The following RBFOX3 variants were observed in gnomAD, a reference collection of about 807,000 sequenced individuals.
RBFOX3 encodes the protein RNA binding protein fox-1 homolog 3.
A neutral mutation model predicts 48.7 loss-of-function variants in RBFOX3; 17 were observed. That is an observed-to-expected ratio of 0.35 (90% confidence interval 0.24 to 0.52). The LOEUF (loss-of-function observed/expected upper bound fraction) is 0.52. RBFOX3 is among the 20% of genes least tolerant of loss of function. The pLI is 0.94. For synonymous variants in RBFOX3, 212 were observed against 209.5 expected (o/e 1.01, Z -0.10); for missense variants, 382 against 497.5 (o/e 0.77, Z 2.21).
chr17:79,159,517 C>G (rs1307289165), intron 4 of RBFOX3, among the ~76,000 whole-genome samples: 2 of 152,184 alleles, frequency 1.3e-5, no homozygotes, highest in Non-Finnish European at 2.9e-5. Context: ...ACTCCTGGAA[C>G]ACCCCTGCAT....
chr17:79,135,338 A>G (rs1187290895), intron 4 of RBFOX3, among the ~76,000 whole-genome samples: 1 of 152,176 alleles, frequency 6.6e-6, no homozygotes, highest in Admixed American at 6.5e-5. Context: ...GGCCACCTTA[A>G]GTGCTGTCCT....
At position 79,245,918 on chromosome 17, in the gene RBFOX3, G is replaced by A. The variant is rs114633046; in HGVS notation, c.-73-10113C>T. Among the ~76,000 whole-genome samples, 409 of 151,958 alleles carry A rather than the reference G, an allele frequency of 2.7e-3. 2 individuals are homozygous for A. The highest frequency in any genetic ancestry group is 9.0e-3 in the African/African-American group (371 of 41,406). On this transcript the variant is annotated intron_variant, in intron 3 of 14. Transcript: ENST00000693108. ...TGGGATTCCAGACATGAGCCACCAC[G>A]CCCAGCAGAACATTTTGGATTTTAA...
the RBFOX3 span, among the ~76,000 whole-genome samples, chr17:79,648,778 G>T: frequency 6.6e-6 from 1 of 152,132 alleles, no homozygotes; most frequent in Non-Finnish European, 1.5e-5. Flanking sequence ...TCCCTTGCAG[G>T]ATGCTGGATC....
chr17:79,161,224 G>A (rs1322232253), intron 4 of RBFOX3, among the ~76,000 whole-genome samples: 3 of 152,192 alleles, frequency 2.0e-5, no homozygotes, highest in African/African-American at 7.2e-5. Context: ...AAGCCTTGAA[G>A]GATGCACAAG....
chr17:79,533,885 A>G (rs1166296690), intron 1 of RBFOX3, among the ~76,000 whole-genome samples: 1 of 152,256 alleles, frequency 6.6e-6, no homozygotes, highest in Non-Finnish European at 1.5e-5. Context: ...TCCTGTTAAC[A>G]TTTTGAGCAT....
rs1286400102 is a variant in RBFOX3 at position 79,356,365 on chromosome 17, T to G, written c.-174-48541A>C. Among the ~76,000 whole-genome samples the G allele has an allele frequency of 3.1e-3, 334 of 108,284 alleles. 20 individuals are homozygous for G. Among genetic ancestry groups the G allele is most frequent in the African/African-American group, 0.012 (319 of 27,080 alleles). The allele number at this position is 108,284 out of a possible 152,430, so 71.0% of individuals were successfully genotyped here. ...ACAGGGAAGTTTTTTTTTTTTTTTT[T>G]TTTTTTTTTTTTTTTTTTTTTGAGG... On this transcript the variant is annotated intron_variant, in intron 2 of 14. Transcript: ENST00000693108.
At chr17:79,357,954 AT>A (rs1555685792) in intron 2 of RBFOX3, among the ~76,000 whole-genome samples, 3 of 146,184 alleles carry the variant, frequency 2.1e-5, no homozygotes, top group South Asian at 4.4e-4. Context: ...TATTATTATT[AT>A]TATATATTAT....
In RBFOX3 at chr17:79,482,700, G is replaced by T. The variant is rs1487689143; in HGVS notation, c.-319-102C>A. On this transcript the variant is annotated intron_variant, in intron 1 of 14. Transcript: ENST00000693108. This position sits in a 1 kb window ranked among gnomAD's most constrained non-coding sequence, Gnocchi z 4.1. ...GTATTAATAAACCAGGGAGGGGGCA[G>T]CTTCAAAGCCAACTGTTTGCCACCA... 1 of 152,306 alleles carries T rather than the reference G, an allele frequency of 6.6e-6. No individual in the cohort carries two copies. The highest frequency in any genetic ancestry group is 1.9e-4 in the East Asian group (1 of 5,196). 9.4% of individuals were successfully genotyped at this position (152,306 alleles called of 1,614,324 possible).
intron 1 of RBFOX3, among the ~76,000 whole-genome samples, chr17:79,498,868 TCATCCATCCATCCATC>T (rs56766707): frequency 2.2e-5 from 3 of 135,650 alleles, no homozygotes; most frequent in South Asian, 2.7e-4. Flanking sequence ...ACCCATTCGC[TCATCCATCCATCCATC>T]CATCCATCCA....
At chr17:79,386,101 C>G (rs1001069380) in intron 2 of RBFOX3, among the ~76,000 whole-genome samples, 1 of 145,364 alleles carries the variant, frequency 6.9e-6, no homozygotes, top group Admixed American at 6.9e-5. Context: ...CTACACCAGA[C>G]GGGGGCTCCA....
At chr17:79,140,337 T>C (rs1354252217) in intron 4 of RBFOX3, among the ~76,000 whole-genome samples, 1 of 152,234 alleles carries the variant, frequency 6.6e-6, no homozygotes, top group East Asian at 1.9e-4. Flanking sequence ...CCCATTTCTG[T>C]ATCTCCAGCC....
chr17:79,542,039 CT>C (rs34678698), intron 1 of RBFOX3, among the ~76,000 whole-genome samples: 264 of 145,548 alleles, frequency 1.8e-3, no homozygotes, highest in Middle Eastern at 3.5e-3. Context: ...GAGCGTCGAC[CT>C]TTTTTTTTTT....
intron 2 of RBFOX3, among the ~76,000 whole-genome samples, chr17:79,419,142 C>G (rs1399680887): frequency 1.3e-5 from 2 of 152,192 alleles, no homozygotes; most frequent in East Asian, 3.9e-4. Flanking sequence ...CTCCTCACCT[C>G]TGTGGGCTGC....
At chr17:79,269,046 G>A (rs973920293) in intron 3 of RBFOX3, among the ~76,000 whole-genome samples, 1 of 152,250 alleles carries the variant, frequency 6.6e-6, no homozygotes, top group African/African-American at 2.4e-5. Context: ...CTAAGATCAG[G>A]TCAGACTGGA....
Position 79,549,345 on chromosome 17 carries a change from G to A in RBFOX3, c.-320+61481C>T, listed in dbSNP as rs570162723. 1.3e-4 allele frequency among the ~76,000 whole-genome samples: 20 copies of A among 152,342 alleles called. No homozygotes were observed. The South Asian group carries it at 2.5e-3, about 19-fold the overall frequency. On this transcript the variant is annotated intron_variant, in intron 1 of 14. Coordinates refer to ENST00000693108, the MANE Select transcript of RBFOX3 (RefSeq NM_001350451.2). ...CAGCCCACTCCTCTGGGGCTCATCC[G>A]TCCGGCACAACCCCAGGAATGAGCA...
chr17:79,149,112 A>T (rs1416009247), intron 4 of RBFOX3, among the ~76,000 whole-genome samples: 1 of 152,208 alleles, frequency 6.6e-6, no homozygotes, highest in Non-Finnish European at 1.5e-5. Flanking sequence ...CCTCCAGGGC[A>T]TGGAGGCTCC....
At chr17:79,545,864 C>A (rs187530070) in intron 1 of RBFOX3, among the ~76,000 whole-genome samples, 2 of 152,364 alleles carry the variant, frequency 1.3e-5, no homozygotes, top group Non-Finnish European at 2.9e-5. Flanking sequence ...CGGCTCACTC[C>A]ATTTCTTTGG....
intron 2 of RBFOX3, among the ~76,000 whole-genome samples, chr17:79,313,734 C>T (rs537014079): frequency 2.0e-5 from 3 of 152,302 alleles, no homozygotes; most frequent in South Asian, 2.1e-4. Context: ...GCTTCAGCCC[C>T]GACCTCCCAG....
intron 2 of RBFOX3, among the ~76,000 whole-genome samples, chr17:79,414,716 G>A (rs765550623): frequency 6.6e-6 from 1 of 152,218 alleles, no homozygotes; most frequent in Admixed American, 6.5e-5. Context: ...ACCCCCAAGA[G>A]GATGGGCACC....
Sources: allele counts gnomAD v4.1 joint callset (sites outside exome capture counted in the v4.1 genomes callset), GRCh38; gene constraint gnomAD v4.1.1; non-coding constraint Gnocchi (gnomAD v3.1); transcripts MANE v1.5; gene names NCBI Gene and HGNC (gene_info 2026-07-23, HGNC 2026-07-21).